The following PPP1R12B variants were observed in gnomAD, a reference collection of about 807,000 sequenced individuals.
PPP1R12B encodes myosin phosphatase target subunit 2.
PPP1R12B carries 76 observed loss-of-function variants against 126.1 expected under a neutral mutation model. The observed-to-expected ratio is 0.60, with a 90% CI of 0.50 to 0.73. PPP1R12B has a LOEUF of 0.73. Among genes scored for constraint, PPP1R12B ranks in the 30% least tolerant of loss-of-function variants. The probability of loss-of-function intolerance (pLI) is 0.00; values close to 1 mark genes in which losing one functional copy is unlikely to be tolerated. For missense variants in PPP1R12B, 1,052 were observed against 1,205.1 expected (o/e 0.87, Z 1.88); for synonymous variants, 356 against 434.7 (o/e 0.82, Z 2.25).
intron 18 of PPP1R12B, among the ~76,000 whole-genome samples, chr1:202,532,817 A>C (rs1684102866): frequency 6.6e-6 from 1 of 151,838 alleles, no homozygotes; most frequent in Non-Finnish European, 1.5e-5. Flanking sequence ...ATATTTCAAG[A>C]ATAAAGAATT....
intron 18 of PPP1R12B, chr1:202,540,176 C>T (rs749347039): frequency 1.2e-5 from 20 of 1,610,468 alleles, no homozygotes; most frequent in Middle Eastern, 1.6e-4. Flanking sequence ...AGAATTCACT[C>T]GGAATAGGAA....
chr1:202,380,601 C>A (rs1311644602), intron 1 of PPP1R12B, among the ~76,000 whole-genome samples: 1 of 151,296 alleles, frequency 6.6e-6, no homozygotes, highest in African/African-American at 2.5e-5. Flanking sequence ...TTCTCAACAC[C>A]CCCCCCATTC....
chr1:202,415,491 G>A (rs1313773939), intron 1 of PPP1R12B, among the ~76,000 whole-genome samples: 3 of 152,182 alleles, frequency 2.0e-5, no homozygotes, highest in Non-Finnish European at 4.4e-5. Context: ...TAAAAAGGGA[G>A]TCTCATTTGT....
intron 18 of PPP1R12B, among the ~76,000 whole-genome samples, chr1:202,503,139 G>T (rs1477992217): frequency 6.6e-6 from 1 of 152,288 alleles, no homozygotes; most frequent in Admixed American, 6.5e-5. Context: ...GAAAACTGAC[G>T]GTGGTTTGTA....
chr1:202,507,135 T>G lies in PPP1R12B; in HGVS notation c.2490+10313T>G, dbSNP rs569453512. Reference sequence around the variant, plus strand: ...GACAGTTCTAAAAATTCAACCACCATGTAAATGAGGAGAAACTGCTCTTAG... The same window carrying G: ...GACAGTTCTAAAAATTCAACCACCAGGTAAATGAGGAGAAACTGCTCTTAG... On this transcript the variant is annotated intron_variant, in intron 18 of 23. Coordinates refer to ENST00000608999, the MANE Select transcript of PPP1R12B (RefSeq NM_002481.4). Among the ~76,000 whole-genome samples, 7 of 152,296 alleles carry G rather than the reference T, an allele frequency of 4.6e-5. No homozygotes were observed. The East Asian group carries it at 1.3e-3, about 29-fold the overall frequency.
intron 6 of PPP1R12B, among the ~76,000 whole-genome samples, chr1:202,429,901 T>C (rs1414598337): frequency 6.6e-6 from 1 of 152,228 alleles, no homozygotes; most frequent in Admixed American, 6.5e-5. Flanking sequence ...GTGAAGATTC[T>C]GGTTATTTTA....
intron 13 of PPP1R12B, among the ~76,000 whole-genome samples, chr1:202,478,049 T>G (rs1676897230): frequency 6.6e-6 from 1 of 152,222 alleles, no homozygotes; most frequent in South Asian, 2.1e-4. Flanking sequence ...CTGTCTTCTT[T>G]GCATAGCAAT....
At chr1:202,462,319 T>C (rs1234877806) in intron 13 of PPP1R12B, among the ~76,000 whole-genome samples, 1 of 152,200 alleles carries the variant, frequency 6.6e-6, no homozygotes, top group Non-Finnish European at 1.5e-5. Context: ...TTTTTCCGTA[T>C]TTCTGTTGCT....
At chr1:202,434,913 G>C in intron 9 of PPP1R12B, 145 bp downstream of exon 9, 1 of 1,379,552 alleles carries the variant, frequency 7.2e-7, no homozygotes, top group Non-Finnish European at 9.6e-7. Flanking sequence ...AAAAACACAG[G>C]CTGGGTGGCT....
chr1:202,569,277 C>T (rs1188127422), intron 23 of PPP1R12B, 80 bp downstream of exon 23: 1 of 1,400,804 alleles, frequency 7.1e-7, no homozygotes, highest in South Asian at 1.2e-5. Context: ...ATAGGCCTGC[C>T]CCCTCCAGAT....
chr1:202,569,044 A>G, intron 22 of PPP1R12B, 103 bp from the exon 23 acceptor site: 1 of 1,316,736 alleles, frequency 7.6e-7, no homozygotes, highest in African/African-American at 1.5e-5. Flanking sequence ...TCAGCAGACA[A>G]ACCTTTGACC....
In PPP1R12B at chr1:202,448,978, T is replaced by C; in HGVS notation, c.1668-11T>C. ...CCATTTCCTTTCTGCTTGTATCTTTTTAAATTTCAGGACTCCTCACAAATC... is the reference window on the plus strand; with the variant it reads ...CCATTTCCTTTCTGCTTGTATCTTTCTAAATTTCAGGACTCCTCACAAATC... On this transcript the variant is annotated splice_polypyrimidine_tract_variant and intron_variant, in intron 12 of 23. Coordinates refer to ENST00000608999, the MANE Select transcript of PPP1R12B (RefSeq NM_002481.4). The C allele has an allele frequency of 6.2e-7, 1 of 1,613,358 alleles. No homozygotes were observed. Among genetic ancestry groups the C allele is most frequent in the Non-Finnish European group, 8.5e-7 (1 of 1,179,424 alleles).
At chr1:202,356,347 G>A (rs1024223201) in intron 1 of PPP1R12B, among the ~76,000 whole-genome samples, 35 of 152,118 alleles carry the variant, frequency 2.3e-4, no homozygotes, top group African/African-American at 8.5e-4. Flanking sequence ...AGAGGAAAGG[G>A]AGAAAACATA....
chr1:202,494,218 T>C (rs1679241796), intron 15 of PPP1R12B, among the ~76,000 whole-genome samples: 1 of 152,208 alleles, frequency 6.6e-6, no homozygotes, highest in African/African-American at 2.4e-5. Context: ...TAAGCTACTA[T>C]TTATTGAGTA....
chr1:202,480,712 A>G (rs566575147), intron 13 of PPP1R12B, among the ~76,000 whole-genome samples: 4 of 152,342 alleles, frequency 2.6e-5, no homozygotes, highest in African/African-American at 7.2e-5. Flanking sequence ...CTATTATTAT[A>G]TAATGTAGTA....
At chr1:202,536,150 T>G (rs1684504778) in intron 18 of PPP1R12B, among the ~76,000 whole-genome samples, 1 of 152,216 alleles carries the variant, frequency 6.6e-6, no homozygotes, top group Non-Finnish European at 1.5e-5. Flanking sequence ...TGTAAGATAG[T>G]AATATGGTCA....
At chr1:202,350,220 CTCTT>C (rs1228745645) in intron 1 of PPP1R12B, among the ~76,000 whole-genome samples, 1 of 152,194 alleles carries the variant, frequency 6.6e-6, no homozygotes, top group Non-Finnish European at 1.5e-5. Context: ...GTAGAAGAAA[CTCTT>C]TCACCCTATT....
chr1:202,487,603 C>CTTT (rs35559949), intron 13 of PPP1R12B, among the ~76,000 whole-genome samples: 1 of 147,062 alleles, frequency 6.8e-6, no homozygotes, highest in Non-Finnish European at 1.5e-5. Flanking sequence ...AGATACATTT[C>CTTT]TTTTTTTTTT....
intron 18 of PPP1R12B, among the ~76,000 whole-genome samples, chr1:202,497,837 A>C (rs1055941383): frequency 6.6e-6 from 1 of 152,154 alleles, no homozygotes; most frequent in African/African-American, 2.4e-5. Context: ...AGCAACTCTT[A>C]GTTTCTTCAA....
Sources: allele counts gnomAD v4.1 joint callset (sites outside exome capture counted in the v4.1 genomes callset), GRCh38; gene constraint gnomAD v4.1.1; transcripts MANE v1.5; gene names NCBI Gene and HGNC (gene_info 2026-07-23, HGNC 2026-07-21).